Variants in NIPBL observed in about 807,000 individuals in gnomAD.
NIPBL encodes nipped-B-like protein.
Under a neutral mutation model 321.8 loss-of-function variants are expected in NIPBL, and 19 were observed. The observed-to-expected ratio is 0.06, with a 90% CI of 0.04 to 0.09. The LOEUF (loss-of-function observed/expected upper bound fraction) is 0.09. NIPBL is among the 10% of genes least tolerant of loss of function. NIPBL has a pLI of 1.00. For missense variants in NIPBL, 2,210 were observed against 3,327.0 expected, an observed-to-expected ratio of 0.66 and a Z score of 8.26; for synonymous variants, 1,106 against 1,114.1, an observed-to-expected ratio of 0.99 and a Z score of 0.14.
rs189774181 is a variant in NIPBL, at chr5:36,914,128, G to A, written c.-80+36950G>A. Among the ~76,000 whole-genome samples the A allele has an allele frequency of 3.4e-3, 511 of 152,266 alleles. 2 individuals carry two copies. The highest frequency in any genetic ancestry group is 0.012 in the African/African-American group (490 of 41,556). ...AGAGCTAGAAGGTCTTCTGTTGGCC[G>A]TTAAATATTTCAGCCATGAAATGAC... On this transcript the variant is annotated intron_variant, in intron 1 of 46. Transcript: ENST00000282516.
chr5:36,920,073 G>A (rs1291202711), intron 1 of NIPBL, among the ~76,000 whole-genome samples: 1 of 151,930 alleles, frequency 6.6e-6, no homozygotes, highest in African/African-American at 2.4e-5. Context: ...TATTACAGTA[G>A]GCAGCTTTTT....
In NIPBL at chr5:37,002,720, T is replaced by C; in HGVS notation, c.3723T>C (p.Leu1241=). The C allele has an allele frequency of 6.2e-7, 1 of 1,612,570 alleles. No homozygotes were observed. Residue 1241 remains leucine (L), a synonymous_variant, in exon 15 of 47, where the codon CTT becomes CTC. Transcript: ENST00000282516. ...TAGGAAAACATCAGCTTAATGAACT[T>C]GGCAGTGAATCTGCTAAAATAAAAG... ...LLLGKHQLNE[L]GSESAKIKAM...
At position 37,035,495 on chromosome 5, in the gene NIPBL, C is replaced by CT. The variant is rs1402605458; in HGVS notation, c.5863-883dup. On this transcript the variant is annotated intron_variant, in intron 32 of 46. Transcript: ENST00000282516. ...CTTGTGGGGAAAGTTTAAGCTTGTG[C>CT]TGCCCAAGCTTGTGCCCAACTGTAA... Among the ~76,000 whole-genome samples the CT allele has an allele frequency of 2.6e-5, 4 of 152,192 alleles. No individual in the cohort carries two copies. In the South Asian group the frequency reaches 6.2e-4, roughly 24 times the overall value.
At chr5:36,882,445 C>T (rs1745579089) in intron 1 of NIPBL, among the ~76,000 whole-genome samples, 1 of 151,892 alleles carries the variant, frequency 6.6e-6, no homozygotes, top group African/African-American at 2.4e-5. Context: ...AGAATGATTA[C>T]GTGACTAGCC....
At chr5:37,015,666 G>C (rs1018542738) in intron 22 of NIPBL, among the ~76,000 whole-genome samples, 1 of 152,064 alleles carries the variant, frequency 6.6e-6, no homozygotes, top group African/African-American at 2.4e-5. Context: ...GGAGGTGGAG[G>C]GTTGCCGTAA....
intron 9 of NIPBL, among the ~76,000 whole-genome samples, chr5:36,983,080 C>T (rs1008105323): frequency 6.6e-6 from 1 of 151,904 alleles, no homozygotes; most frequent in Non-Finnish European, 1.5e-5. Context: ...GCAGAACATT[C>T]TAAAAGAGGA....
chr5:36,914,180 C>A (rs1203522394), intron 1 of NIPBL, among the ~76,000 whole-genome samples: 2 of 152,224 alleles, frequency 1.3e-5, no homozygotes, highest in East Asian at 3.8e-4. Context: ...CACTCACAAC[C>A]TAGTAACCAG....
At position 37,008,090 on chromosome 5, in the gene NIPBL, T is replaced by A; in HGVS notation, c.4320+2T>A. On this transcript the variant is annotated splice_donor_variant, in intron 19 of 46. Coordinates refer to ENST00000282516, the MANE Select transcript of NIPBL (RefSeq NM_133433.4). LOFTEE classifies it high-confidence loss of function. Reference sequence around the variant, plus strand: ...TGTGCCATTAAGTTAGTCACTGCAGTAAGTATAATCAATTTGTATTTTTAG... The same window carrying A: ...TGTGCCATTAAGTTAGTCACTGCAGAAAGTATAATCAATTTGTATTTTTAG... 1 of 1,576,290 alleles carries A rather than the reference T, an allele frequency of 6.3e-7. No homozygotes were observed. The highest frequency in any genetic ancestry group is 8.7e-7 in the Non-Finnish European group (1 of 1,145,884).
chr5:37,013,665 G>T (rs1748535037), intron 21 of NIPBL, among the ~76,000 whole-genome samples: 1 of 151,964 alleles, frequency 6.6e-6, no homozygotes, highest in Admixed American at 6.5e-5. Flanking sequence ...CCGGGAAGAG[G>T]CGCTCCTCAC....
chr5:36,888,397 A>T (rs1746074812), intron 1 of NIPBL, among the ~76,000 whole-genome samples: 1 of 152,172 alleles, frequency 6.6e-6, no homozygotes, highest in South Asian at 2.1e-4. Flanking sequence ...AGAATACTGC[A>T]TTTCATGGAG....
chr5:37,008,313 TC>T (rs1201335188), intron 19 of NIPBL, among the ~76,000 whole-genome samples: 1 of 152,110 alleles, frequency 6.6e-6, no homozygotes, highest in African/African-American at 2.4e-5. Flanking sequence ...TTAAAACACT[TC>T]CAAATATTTG....
intron 9 of NIPBL, among the ~76,000 whole-genome samples, chr5:36,978,209 T>G (rs1263751244): frequency 6.6e-6 from 1 of 152,174 alleles, no homozygotes; most frequent in East Asian, 1.9e-4. Flanking sequence ...TTGAACTAAT[T>G]TACATTCCCA....
Position 37,064,882 on chromosome 5 carries a change from C to A in NIPBL, c.8405C>A (p.Thr2802Asn). The A allele has an allele frequency of 6.2e-7, 1 of 1,614,104 alleles. No homozygotes were observed. Among genetic ancestry groups the A allele is most frequent in the East Asian group, 2.2e-5 (1 of 44,886 alleles). Residue 2802 changes from threonine (T) to asparagine (N), a missense_variant, in exon 47 of 47, where the codon ACT (threonine) becomes AAT (asparagine). Coordinates refer to ENST00000282516, the MANE Select transcript of NIPBL (RefSeq NM_133433.4). ...LRSLYAAKDG[T>N]SS ...TCCCTGTATGCCGCCAAGGATGGGACTTCCAGCTAATGAATTTGTACATGC... is the reference window on the plus strand; with the variant it reads ...TCCCTGTATGCCGCCAAGGATGGGAATTCCAGCTAATGAATTTGTACATGC...
At chr5:37,017,224 T>TA (rs1749095340) in intron 24 of NIPBL, 62 bp downstream of exon 24, 8 of 1,461,684 alleles carry the variant, frequency 5.5e-6, no homozygotes, top group Middle Eastern at 2.0e-4. Context: ...TGCATGTCCT[T>TA]ACATTAGTTT....
chr5:36,948,895 TACTG>T (rs750687088), intron 1 of NIPBL, among the ~76,000 whole-genome samples: 21 of 152,000 alleles, frequency 1.4e-4, no homozygotes, highest in Middle Eastern at 3.4e-3. Context: ...TGGTGTAGTA[TACTG>T]ACTAACAGTC....
At chr5:36,895,401 A>C (rs1203373650) in intron 1 of NIPBL, among the ~76,000 whole-genome samples, 1 of 152,120 alleles carries the variant, frequency 6.6e-6, no homozygotes, top group Non-Finnish European at 1.5e-5. Flanking sequence ...TCAACTTTTG[A>C]CTATTATGAA....
intron 1 of NIPBL, among the ~76,000 whole-genome samples, chr5:36,920,358 A>G (rs1470029289): frequency 6.6e-6 from 1 of 152,206 alleles, no homozygotes; most frequent in African/African-American, 2.4e-5. Context: ...TGATATTCAG[A>G]TATGGTGAAA....
chr5:36,883,257 C>G (rs1018062219), intron 1 of NIPBL, among the ~76,000 whole-genome samples: 1 of 151,884 alleles, frequency 6.6e-6, no homozygotes, highest in South Asian at 2.1e-4. Flanking sequence ...TGACATATCT[C>G]TTAACATGCA....
chr5:36,907,161 G>C (rs1051283207), intron 1 of NIPBL, among the ~76,000 whole-genome samples: 12 of 152,176 alleles, frequency 7.9e-5, no homozygotes, highest in Non-Finnish European at 1.5e-4. Flanking sequence ...AGTAGGGTTT[G>C]AGAGTCTGCA....
Sources: allele counts gnomAD v4.1 joint callset (sites outside exome capture counted in the v4.1 genomes callset), GRCh38; gene constraint gnomAD v4.1.1; transcripts MANE v1.5; gene names NCBI Gene and HGNC (gene_info 2026-07-23, HGNC 2026-07-21).